NTRK3: variants seen among roughly 807,000 people sequenced by gnomAD.
NTRK3 encodes neurotrophic receptor tyrosine kinase 3, also known as NT-3 growth factor receptor.
NTRK3 carries 24 observed loss-of-function variants against 91.7 expected under a neutral mutation model. That is an observed-to-expected ratio of 0.26 (90% confidence interval 0.19 to 0.37). The LOEUF (loss-of-function observed/expected upper bound fraction) is 0.37. NTRK3 is among the 10% of genes least tolerant of loss of function. NTRK3 has a pLI of 1.00. For missense variants in NTRK3, 880 were observed against 1,068.9 expected (o/e 0.82, Z 2.46); for synonymous variants, 483 against 404.0 (o/e 1.20, Z -2.34).
intron 14 of NTRK3, among the ~76,000 whole-genome samples, chr15:88,020,432 G>A (rs1169114930): frequency 1.3e-5 from 2 of 152,124 alleles, no homozygotes; most frequent in Non-Finnish European, 2.9e-5. Context: ...TAGAGTTGGG[G>A]GAAAGAAGTC....
At chr15:88,025,423 G>A (rs1006360408) in intron 14 of NTRK3, among the ~76,000 whole-genome samples, 1 of 152,220 alleles carries the variant, frequency 6.6e-6, no homozygotes, top group Non-Finnish European at 1.5e-5. Context: ...CTAACTCCCA[G>A]TGCCTTACAA....
intron 14 of NTRK3, among the ~76,000 whole-genome samples, chr15:87,942,840 GT>G (rs1376463867): frequency 6.6e-6 from 1 of 152,184 alleles, no homozygotes; most frequent in Non-Finnish European, 1.5e-5. Flanking sequence ...TGTAGGCTGT[GT>G]TTTGGCATTT....
chr15:87,895,540 C>T (rs1270210763), intron 17 of NTRK3, among the ~76,000 whole-genome samples: 1 of 152,126 alleles, frequency 6.6e-6, no homozygotes, highest in Non-Finnish European at 1.5e-5. Context: ...AAATATATTT[C>T]CTTGCCATAC....
chr15:88,125,868 G>A (rs1233105515), intron 13 of NTRK3, among the ~76,000 whole-genome samples: 1 of 152,156 alleles, frequency 6.6e-6, no homozygotes, highest in Non-Finnish European at 1.5e-5. Flanking sequence ...CTGTGCTGAC[G>A]CCTTCCCAAC....
chr15:87,969,764 A>G (rs1452712559), intron 14 of NTRK3, among the ~76,000 whole-genome samples: 3 of 152,144 alleles, frequency 2.0e-5, no homozygotes, highest in African/African-American at 7.2e-5. Flanking sequence ...TTGACATTTC[A>G]GACTATTTGT....
At chr15:87,993,997 G>C (rs756154191) in intron 14 of NTRK3, among the ~76,000 whole-genome samples, 1 of 152,158 alleles carries the variant, frequency 6.6e-6, no homozygotes, top group Non-Finnish European at 1.5e-5. Flanking sequence ...GAGAGCATGG[G>C]AAGTTTAGTC....
intron 3 of NTRK3, among the ~76,000 whole-genome samples, chr15:88,247,817 T>C (rs1367375274): frequency 6.6e-6 from 1 of 152,096 alleles, no homozygotes; most frequent in Admixed American, 6.5e-5. Context: ...GAGAGAGAGA[T>C]GGAGCTTCCA....
chr15:88,072,840 G>A (rs751763375), intron 13 of NTRK3: 12 of 233,022 alleles, frequency 5.1e-5, no homozygotes, highest in Non-Finnish European at 9.3e-5. Context: ...AGCCATCATG[G>A]GCCAATCCGG....
intron 14 of NTRK3, among the ~76,000 whole-genome samples, chr15:87,951,707 A>G (rs1266826592): frequency 2.0e-5 from 3 of 152,238 alleles, no homozygotes; most frequent in African/African-American, 7.2e-5. Context: ...CTTAAAGCAG[A>G]AGGCTCAGAC....
intron 3 of NTRK3, among the ~76,000 whole-genome samples, chr15:88,253,980 C>A (rs1037821192): frequency 6.6e-6 from 1 of 152,228 alleles, no homozygotes; most frequent in South Asian, 2.1e-4. Context: ...AAAGAGCCTA[C>A]GTGATTGTGA....
rs373032207 is a variant in NTRK3, at chr15:88,112,989, C to T, written c.1396+13282G>A. 2.8e-4 allele frequency among the ~76,000 whole-genome samples: 42 copies of T among 152,238 alleles called. No homozygotes were observed. In the South Asian group the frequency reaches 4.4e-3, roughly 16 times the overall value. On this transcript the variant is annotated intron_variant, in intron 13 of 18. Coordinates refer to ENST00000394480, the Ensembl canonical transcript of NTRK3. ...GGGCTTAGAGGGACCTGTGTGTGCC[C>T]GATGCCCTGGGAAGAGATTTTGAAA...
chr15:88,066,417 G>A (rs1597101637), intron 13 of NTRK3, among the ~76,000 whole-genome samples: 1 of 152,280 alleles, frequency 6.6e-6, no homozygotes, highest in Admixed American at 6.5e-5. Context: ...TCAATAAAGA[G>A]CTGAAAGCCC....
intron 14 of NTRK3, among the ~76,000 whole-genome samples, chr15:87,942,715 T>A (rs1437901743): frequency 6.6e-6 from 1 of 152,188 alleles, no homozygotes; most frequent in Non-Finnish European, 1.5e-5. Context: ...ACAACAACCA[T>A]GAAATCTTGG....
At chr15:87,949,973 C>T (rs1282772039) in intron 14 of NTRK3, among the ~76,000 whole-genome samples, 1 of 152,160 alleles carries the variant, frequency 6.6e-6, no homozygotes. Context: ...GACAAACCCT[C>T]TTCAAAGTGC....
intron 7 of NTRK3, 65 bp from the exon 8 acceptor site, chr15:88,136,674 C>T (rs915900746): frequency 6.4e-7 from 1 of 1,566,804 alleles, no homozygotes; most frequent in Non-Finnish European, 8.7e-7. Flanking sequence ...AAGCTCTGTC[C>T]ATGGGGCTGA....
chr15:87,959,267 C>T (rs947797645), intron 14 of NTRK3, among the ~76,000 whole-genome samples: 4 of 152,204 alleles, frequency 2.6e-5, no homozygotes, highest in Admixed American at 1.3e-4. Context: ...TGGCTCCTTG[C>T]GTCTCCATCA....
intron 13 of NTRK3, among the ~76,000 whole-genome samples, chr15:88,049,056 T>C (rs967394362): frequency 6.6e-6 from 1 of 152,184 alleles, no homozygotes; most frequent in Non-Finnish European, 1.5e-5. Context: ...TAAGATCTGG[T>C]GAGGTGTGTA....
At chr15:88,036,903 G>C (rs1380116185) in intron 13 of NTRK3, among the ~76,000 whole-genome samples, 1 of 152,184 alleles carries the variant, frequency 6.6e-6, no homozygotes, top group Admixed American at 6.5e-5. Flanking sequence ...ATACCACATC[G>C]AGACTTAAAC....
intron 3 of NTRK3, among the ~76,000 whole-genome samples, chr15:88,250,326 T>C (rs1011099498): frequency 6.6e-6 from 1 of 152,252 alleles, no homozygotes; most frequent in African/African-American, 2.4e-5. Context: ...GATTTGTTCT[T>C]TATTTTGTTT....
Sources: allele counts gnomAD v4.1 joint callset (sites outside exome capture counted in the v4.1 genomes callset), GRCh38; gene constraint gnomAD v4.1.1; transcripts MANE v1.5; gene names NCBI Gene and HGNC (gene_info 2026-07-23, HGNC 2026-07-21).